GMCL1: variants seen among roughly 807,000 people sequenced by gnomAD.
The protein encoded by GMCL1 is germ cell-less 1, spermatogenesis associated.
A neutral mutation model predicts 75.5 loss-of-function variants in GMCL1; 54 were observed. The ratio of observed to expected loss-of-function variants is 0.71; its 90% CI spans 0.57 to 0.90. The LOEUF is 0.90. Ranked by LOEUF, GMCL1 falls within the 40% of genes least tolerant of loss-of-function variation. The pLI is 0.00. For synonymous variants in GMCL1, 210 were observed against 209.6 expected (o/e 1.00, Z -0.02); for missense variants, 537 against 622.7 (o/e 0.86, Z 1.47).
At position 69,869,549 on chromosome 2, in the gene GMCL1, GATAA is replaced by G. The variant is rs1450913202; in HGVS notation, c.1219-166_1219-163del. 9 of 571,192 alleles carry G rather than the reference GATAA, an allele frequency of 1.6e-5. No individual in the cohort carries two copies. In the East Asian group the frequency reaches 1.7e-4, roughly 11 times the overall value. The allele number at this position is 571,192 out of a possible 1,614,324, so 35.4% of individuals were successfully genotyped here. On this transcript the variant is annotated intron_variant, in intron 11 of 13. Coordinates refer to ENST00000282570, the MANE Select transcript of GMCL1 (RefSeq NM_178439.5). ...CATTAAGGGCAGCTTTTCTAGCTTA[GATAA>G]ATAGTTTTGGGTGGTAAGCCTTAAG...
chr2:69,838,336 CAAAAAAAAAAAAAAA>C (rs71397366), intron 2 of GMCL1, among the ~76,000 whole-genome samples: 3 of 31,524 alleles, frequency 9.5e-5, no homozygotes, highest in African/African-American at 2.1e-4. Flanking sequence ...GACTCTGTCT[CAAAAAAAAAAAAAAA>C]AAAAAAAAAA....
chr2:69,847,302 C>T (rs1394503133), intron 6 of GMCL1, among the ~76,000 whole-genome samples: 1 of 152,166 alleles, frequency 6.6e-6, no homozygotes, highest in Non-Finnish European at 1.5e-5. Context: ...AAGGACCTTT[C>T]ACAGCACACT....
chr2:69,849,643 T>C lies in GMCL1; in HGVS notation c.844-9T>C, dbSNP rs777340426. ...TAATTGTTTTCTTATTTAATTTTTT[T>C]TAACTTAGTGGATGTTCCTTCAACT... On this transcript the variant is annotated splice_polypyrimidine_tract_variant and intron_variant, in intron 7 of 13. Transcript: ENST00000282570. 1.3e-6 allele frequency: 2 copies of C among 1,495,852 alleles called. No homozygotes were observed. The highest frequency in any genetic ancestry group is 1.8e-6 in the Non-Finnish European group (2 of 1,108,876). 92.7% of individuals were successfully genotyped at this position (1,495,852 alleles called of 1,614,324 possible).
At chr2:69,854,698 G>A in intron 8 of GMCL1, 125 bp from the exon 9 acceptor site, 1 of 716,538 alleles carries the variant, frequency 1.4e-6, no homozygotes, top group South Asian at 2.2e-5. Flanking sequence ...AAATTCTTGA[G>A]AACTTTAAAA....
At chr2:69,846,902 C>T (rs1181564426) in intron 6 of GMCL1, among the ~76,000 whole-genome samples, 1 of 151,680 alleles carries the variant, frequency 6.6e-6, no homozygotes. Context: ...AGTCTTGGCT[C>T]ACTGCAGCCT....
In GMCL1 at chr2:69,871,737, A is replaced by G. The variant is rs1240334521; in HGVS notation, c.1365-8A>G. On this transcript the variant is annotated splice_region_variant and splice_polypyrimidine_tract_variant and intron_variant, in intron 12 of 13. Coordinates refer to ENST00000282570, the MANE Select transcript of GMCL1 (RefSeq NM_178439.5). Reference sequence around the variant, plus strand: ...TGTGTTTATTTTTTATTTTTTTTTTAATCCTAGATTACGTTTGGCTTCTTT... The same window carrying G: ...TGTGTTTATTTTTTATTTTTTTTTTGATCCTAGATTACGTTTGGCTTCTTT... 1 of 1,420,368 alleles carries G rather than the reference A, an allele frequency of 7.0e-7. No homozygotes were observed. Among genetic ancestry groups the G allele is most frequent in the Non-Finnish European group, 9.7e-7 (1 of 1,031,760 alleles). The allele number at this position is 1,420,368 out of a possible 1,614,324, so 88.0% of individuals were successfully genotyped here.
At chr2:69,856,630 CT>C (rs1374347236) in intron 9 of GMCL1, among the ~76,000 whole-genome samples, 1 of 141,246 alleles carries the variant, frequency 7.1e-6, no homozygotes, top group Admixed American at 7.3e-5. Flanking sequence ...AATCTTCCAT[CT>C]CTTCCCTCCT....
intron 13 of GMCL1, 90 bp downstream of exon 13, chr2:69,871,922 G>A: frequency 1.2e-6 from 1 of 836,064 alleles, no homozygotes; most frequent in South Asian, 1.6e-5. Flanking sequence ...ACATTAAAGT[G>A]ATGGCATTTT....
At chr2:69,839,726 A>T (rs1674927586) in intron 3 of GMCL1, among the ~76,000 whole-genome samples, 173 bp downstream of exon 3, 1 of 152,296 alleles carries the variant, frequency 6.6e-6, no homozygotes, top group South Asian at 2.1e-4. Flanking sequence ...TGTCCATCTT[A>T]TCACTAATCT....
intron 9 of GMCL1, among the ~76,000 whole-genome samples, chr2:69,859,620 C>T (rs1321728328): frequency 1.3e-5 from 2 of 151,422 alleles, no homozygotes; most frequent in Non-Finnish European, 2.9e-5. Flanking sequence ...CCTATAGTCC[C>T]AGCTACTCTG....
At chr2:69,857,252 G>C (rs190504691) in intron 9 of GMCL1, among the ~76,000 whole-genome samples, 1 of 152,252 alleles carries the variant, frequency 6.6e-6, no homozygotes, top group African/African-American at 2.4e-5. Flanking sequence ...CACTCTCACA[G>C]TTGTCTTCAA....
In GMCL1 at chr2:69,880,760, A is replaced by G. The variant is rs575893847; in HGVS notation, c.*1756A>G. 7.2e-5 allele frequency: 11 copies of G among 151,812 alleles called. No homozygotes were observed. In the East Asian group the frequency reaches 1.9e-3, roughly 27 times the overall value. The allele number at this position is 151,812 out of a possible 1,614,324, so 9.4% of individuals were successfully genotyped here. ...CTACTCAGGAGGCTGAGGCAGGAGA[A>G]TCACTTGAACCCAGGAGGCAGAGGT... On this transcript the variant is annotated 3_prime_UTR_variant, in exon 14 of 14. Coordinates refer to ENST00000282570, the MANE Select transcript of GMCL1 (RefSeq NM_178439.5).
At chr2:69,839,338 G>C (rs1674913617) in intron 2 of GMCL1, 119 bp from the exon 3 acceptor site, 2 of 552,734 alleles carry the variant, frequency 3.6e-6, no homozygotes, top group Non-Finnish European at 6.6e-6. Flanking sequence ...TTCTGTTGAA[G>C]TAATAGAATG....
At chr2:69,847,036 C>CAA (rs1206666299) in intron 6 of GMCL1, among the ~76,000 whole-genome samples, 4 of 149,494 alleles carry the variant, frequency 2.7e-5, no homozygotes, top group African/African-American at 9.9e-5. Context: ...CGAGGTCTCA[C>CAA]CATGTTGTCC....
chr2:69,830,322 G>T (rs1674636331), intron 1 of GMCL1, among the ~76,000 whole-genome samples, 170 bp downstream of exon 1: 1 of 152,234 alleles, frequency 6.6e-6, no homozygotes, highest in Non-Finnish European at 1.5e-5. Flanking sequence ...GGACTGGGGA[G>T]CGCCTTGGGA....
intron 1 of GMCL1, among the ~76,000 whole-genome samples, chr2:69,831,914 A>G (rs906418859): frequency 1.3e-5 from 2 of 152,164 alleles, no homozygotes; most frequent in Non-Finnish European, 2.9e-5. Flanking sequence ...AACCTATAGC[A>G]TAGTTTTAAG....
chr2:69,877,901 A>G (rs1260636787), intron 13 of GMCL1, among the ~76,000 whole-genome samples: 1 of 152,238 alleles, frequency 6.6e-6, no homozygotes, highest in East Asian at 1.9e-4. Context: ...GGATTTAAAC[A>G]GTGTTTAATA....
chr2:69,836,828 T>C (rs72895255), intron 1 of GMCL1, among the ~76,000 whole-genome samples: 9,179 of 152,202 alleles, frequency 0.06, 918 homozygotes, highest in African/African-American at 0.21. Context: ...ATAGAATAGG[T>C]GATGCTGCTC....
intron 1 of GMCL1, among the ~76,000 whole-genome samples, chr2:69,833,350 C>CA (rs1340602813): frequency 2.6e-5 from 4 of 152,190 alleles, no homozygotes; most frequent in Admixed American, 1.3e-4. Context: ...CGTGGTGGCT[C>CA]ACGCCTGTAA....
Sources: gnomAD v4.1 joint callset for allele counts (sites outside exome capture counted in the v4.1 genomes callset) on GRCh38, gnomAD v4.1.1 for gene constraint, MANE v1.5 for transcripts, NCBI Gene and HGNC (gene_info 2026-07-23, HGNC 2026-07-21) for gene names.